The following RNF11 variants were observed in gnomAD, a reference collection of about 807,000 sequenced individuals.
RNF11 encodes the protein ring finger protein 11.
A neutral mutation model predicts 15.8 loss-of-function variants in RNF11; 4 were observed. The ratio of observed to expected loss-of-function variants is 0.25; its 90% CI spans 0.12 to 0.58. RNF11 has a LOEUF of 0.58. Among genes scored for constraint, RNF11 ranks in the 20% least tolerant of loss-of-function variants. The pLI is 0.91. For missense variants in RNF11, 139 were observed against 194.4 expected (o/e 0.71, Z 1.70); for synonymous variants, 68 against 72.3 (o/e 0.94, Z 0.30).
Position 51,271,844 on chromosome 1 carries a change from T to A in RNF11, c.*522T>A, listed in dbSNP as rs1457418316. On this transcript the variant is annotated 3_prime_UTR_variant, in exon 3 of 3. Transcript: ENST00000242719. ...TCTTTTTTTCCATTGGAAATGGAAT[T>A]CATTGCCTTAGGTCTTTTTAAATAG... 1 of 153,164 alleles carries A rather than the reference T, an allele frequency of 6.5e-6. No individual in the cohort carries two copies. The allele number at this position is 153,164 out of a possible 1,614,324, so 9.5% of individuals were successfully genotyped here.
chr1:51,264,259 C>CAAAAA (rs1158509807), intron 1 of RNF11, among the ~76,000 whole-genome samples: 4 of 25,518 alleles, frequency 1.6e-4, no homozygotes, highest in East Asian at 1.8e-3. Flanking sequence ...GACCCTATCT[C>CAAAAA]AAAAAAAAAA....
chr1:51,264,520 T>C (rs1646946818), intron 1 of RNF11, among the ~76,000 whole-genome samples: 1 of 151,846 alleles, frequency 6.6e-6, no homozygotes, highest in Non-Finnish European at 1.5e-5. Context: ...TAAATGTCAG[T>C]CTGGCAAAAT....
At chr1:51,257,397 C>T (rs769126383) in intron 1 of RNF11, among the ~76,000 whole-genome samples, 1 of 152,050 alleles carries the variant, frequency 6.6e-6, no homozygotes, top group Non-Finnish European at 1.5e-5. Flanking sequence ...TGTGGTGGCC[C>T]CAATTGGGTC....
intron 1 of RNF11, 59 bp downstream of exon 1, chr1:51,236,938 G>T: frequency 6.5e-7 from 1 of 1,545,188 alleles, no homozygotes; most frequent in Non-Finnish European, 8.7e-7. Context: ...GAGATTGAGG[G>T]GGCTTCGGGG....
At chr1:51,267,058 C>T (rs903711823) in intron 1 of RNF11, among the ~76,000 whole-genome samples, 11 of 152,038 alleles carry the variant, frequency 7.2e-5, no homozygotes, top group African/African-American at 2.4e-4. Context: ...TCAGCCTGGT[C>T]AGCGAGACAC....
At chr1:51,258,301 G>A (rs922750498) in intron 1 of RNF11, among the ~76,000 whole-genome samples, 1 of 152,178 alleles carries the variant, frequency 6.6e-6, no homozygotes, top group Admixed American at 6.6e-5. Flanking sequence ...GGGACTGCTG[G>A]AGATCCTCTT....
At chr1:51,256,322 A>G (rs569340967) in intron 1 of RNF11, among the ~76,000 whole-genome samples, 122 of 152,342 alleles carry the variant, frequency 8.0e-4, no homozygotes, top group African/African-American at 2.7e-3. Flanking sequence ...TACAGTATGT[A>G]GCCTTTTCAG....
At chr1:51,246,729 G>A (rs1244391089) in intron 1 of RNF11, among the ~76,000 whole-genome samples, 1 of 152,170 alleles carries the variant, frequency 6.6e-6, no homozygotes, top group African/African-American at 2.4e-5. Context: ...GAGAGTTATT[G>A]TTTAGTGGGT....
chr1:51,245,225 A>G (rs1050247663), intron 1 of RNF11, among the ~76,000 whole-genome samples: 1 of 151,824 alleles, frequency 6.6e-6, no homozygotes, highest in Non-Finnish European at 1.5e-5. Context: ...TTGCCTGGCT[A>G]ATTTTTATTT....
rs1194102661 is a variant in RNF11, at chr1:51,272,361, A to C, written c.*1039A>C. ...CATTACTGTAGTGCTGAGGTTATTG[A>C]AGTTATACAAAACACATCTCAGTCT... On this transcript the variant is annotated 3_prime_UTR_variant, in exon 3 of 3. Transcript: ENST00000242719. The C allele has an allele frequency of 3.9e-5, 6 of 152,634 alleles. No individual in the cohort carries two copies. Among genetic ancestry groups the C allele is most frequent in the Admixed American group, 2.6e-4 (4 of 15,276 alleles). 9.5% of individuals were successfully genotyped at this position (152,634 alleles called of 1,614,324 possible). A position where few individuals can be genotyped will look rare whatever the true frequency, so the allele number is the denominator to read the frequency against.
intron 1 of RNF11, among the ~76,000 whole-genome samples, chr1:51,252,220 C>T (rs970670162): frequency 6.6e-6 from 1 of 151,684 alleles, no homozygotes; most frequent in Admixed American, 6.6e-5. Context: ...ATACATGTAA[C>T]ATACAAAATA....
In RNF11 at chr1:51,236,700, C is replaced by T; in HGVS notation, c.-57C>T. The T allele has an allele frequency of 1.9e-6, 3 of 1,600,648 alleles. No homozygotes were observed. Among genetic ancestry groups the T allele is most frequent in the Non-Finnish European group, 2.6e-6 (3 of 1,173,622 alleles). On this transcript the variant is annotated 5_prime_UTR_variant, in exon 1 of 3. Coordinates refer to ENST00000242719, the MANE Select transcript of RNF11 (RefSeq NM_014372.5). ...CAACCGAGGCGGACCGCGGAGTGTGCGAACGACCCCACCGCTGCTTTCTCC... is the reference window on the plus strand; with the variant it reads ...CAACCGAGGCGGACCGCGGAGTGTGTGAACGACCCCACCGCTGCTTTCTCC...
intron 1 of RNF11, among the ~76,000 whole-genome samples, chr1:51,239,693 G>T (rs1340128245): frequency 6.6e-6 from 1 of 152,158 alleles, no homozygotes; most frequent in Non-Finnish European, 1.5e-5. Context: ...GGGATTACAG[G>T]CGTTAGCTAC....
At chr1:51,261,223 CT>C (rs971394047) in intron 1 of RNF11, among the ~76,000 whole-genome samples, 2 of 152,116 alleles carry the variant, frequency 1.3e-5, no homozygotes, top group Non-Finnish European at 2.9e-5. Flanking sequence ...TCCACAGACC[CT>C]TTAAGGTCAG....
intron 1 of RNF11, among the ~76,000 whole-genome samples, chr1:51,248,395 A>G (rs1481291551): frequency 1.3e-5 from 2 of 151,812 alleles, no homozygotes; most frequent in African/African-American, 2.4e-5. Flanking sequence ...TAGTAGAGGC[A>G]GGGTTTCTCC....
Position 51,240,432 on chromosome 1 carries a change from C to T in RNF11, c.123+3553C>T, listed in dbSNP as rs556972040. On this transcript the variant is annotated intron_variant, in intron 1 of 2. Coordinates refer to ENST00000242719, the MANE Select transcript of RNF11 (RefSeq NM_014372.5). Reference sequence around the variant, plus strand: ...CAACCTGCCCTAATAACCTGGAAGTCCCTCTCACCCTGTTGTTTTCCCCCC... The same window carrying T: ...CAACCTGCCCTAATAACCTGGAAGTTCCTCTCACCCTGTTGTTTTCCCCCC... 2.0e-5 allele frequency among the ~76,000 whole-genome samples: 3 copies of T among 152,146 alleles called. No individual in the cohort carries two copies. In the South Asian group the frequency reaches 6.2e-4, roughly 31 times the overall value.
chr1:51,259,196 G>T (rs1646918930), intron 1 of RNF11, among the ~76,000 whole-genome samples: 1 of 152,132 alleles, frequency 6.6e-6, no homozygotes, highest in South Asian at 2.1e-4. Context: ...GGCATCTAGT[G>T]GATGGAGAGA....
intron 1 of RNF11, among the ~76,000 whole-genome samples, chr1:51,260,681 AT>A (rs779184088): frequency 6.6e-6 from 1 of 151,276 alleles, no homozygotes; most frequent in East Asian, 1.9e-4. Context: ...CTTTTTATTG[AT>A]TTTTTTTTCC....
At chr1:51,251,707 G>C (rs1366520494) in intron 1 of RNF11, among the ~76,000 whole-genome samples, 1 of 152,112 alleles carries the variant, frequency 6.6e-6, no homozygotes, top group African/African-American at 2.4e-5. Context: ...GGAGGCCGAG[G>C]CAGGAGGATC....
Sources: allele counts gnomAD v4.1 joint callset (sites outside exome capture counted in the v4.1 genomes callset), GRCh38; gene constraint gnomAD v4.1.1; transcripts MANE v1.5; gene names NCBI Gene and HGNC (gene_info 2026-07-23, HGNC 2026-07-21).